The following CTNNA3 variants were observed in gnomAD, a reference collection of about 807,000 sequenced individuals.
The protein encoded by CTNNA3 is catenin alpha 3, also known as catenin alpha-3.
A neutral mutation model predicts 95.7 loss-of-function variants in CTNNA3; 76 were observed. The observed-to-expected ratio is 0.79, with a 90% confidence interval of 0.66 to 0.96. The LOEUF (loss-of-function observed/expected upper bound fraction) is 0.96. CTNNA3 is among the 40% of genes least tolerant of loss of function. The pLI, the probability that CTNNA3 is intolerant of heterozygous loss-of-function variation, is 0.00. For missense variants in CTNNA3, 1,191 were observed against 1,089.8 expected (o/e 1.09, Z -1.31); for synonymous variants, 431 against 374.4 (o/e 1.15, Z -1.74).
intron 4 of CTNNA3, among the ~76,000 whole-genome samples, chr10:67,524,537 G>A (rs564261026): frequency 5.9e-5 from 9 of 152,114 alleles, no homozygotes; most frequent in Admixed American, 5.9e-4. Flanking sequence ...TTTAACTAAA[G>A]GTCGGACTTT....
intron 11 of CTNNA3, among the ~76,000 whole-genome samples, chr10:66,514,651 T>A: frequency 6.6e-6 from 1 of 152,304 alleles, no homozygotes; most frequent in East Asian, 1.9e-4. Flanking sequence ...CTTTTACTCA[T>A]TGTTCAATTT....
At chr10:67,401,345 C>G (rs1037031655) in intron 5 of CTNNA3, among the ~76,000 whole-genome samples, 50 of 152,242 alleles carry the variant, frequency 3.3e-4, no homozygotes, top group African/African-American at 1.2e-3. Context: ...CAGAAATTGC[C>G]ACTCCCACAG....
chr10:67,166,084 A>C (rs543278160), intron 7 of CTNNA3, among the ~76,000 whole-genome samples: 53 of 152,296 alleles, frequency 3.5e-4, no homozygotes, highest in African/African-American at 1.2e-3. Flanking sequence ...GGAGGAAGGG[A>C]GACTTAGAAA....
intron 1 of CTNNA3, among the ~76,000 whole-genome samples, chr10:67,743,179 G>C (rs1204946815): frequency 6.6e-6 from 1 of 151,174 alleles, no homozygotes; most frequent in African/African-American, 2.4e-5. Flanking sequence ...TGATACCAAA[G>C]CCTGGCAGAG....
chr10:66,799,881 A>G (rs1219118536), intron 7 of CTNNA3, among the ~76,000 whole-genome samples: 1 of 151,412 alleles, frequency 6.6e-6, no homozygotes, highest in Non-Finnish European at 1.5e-5. Flanking sequence ...AAAGACAATT[A>G]CCTTTATGGA....
At chr10:66,658,867 T>C (rs961742349) in intron 9 of CTNNA3, among the ~76,000 whole-genome samples, 3 of 152,080 alleles carry the variant, frequency 2.0e-5, no homozygotes, top group African/African-American at 7.2e-5. Flanking sequence ...CTAAGTTTTG[T>C]AATTTTAGTA....
At chr10:66,263,968 T>C (rs897159711) in intron 13 of CTNNA3, among the ~76,000 whole-genome samples, 1 of 151,990 alleles carries the variant, frequency 6.6e-6, no homozygotes, top group Admixed American at 6.6e-5. Flanking sequence ...TTCTTGCCAA[T>C]CTCCTTTGTT....
intron 3 of CTNNA3, among the ~76,000 whole-genome samples, chr10:67,542,084 T>A (rs2133207817): frequency 6.6e-6 from 1 of 152,222 alleles, no homozygotes; most frequent in East Asian, 1.9e-4. Flanking sequence ...AAACAGCCAG[T>A]CAGGTAGCTC....
At chr10:66,549,667 A>G (rs1018983343) in intron 10 of CTNNA3, among the ~76,000 whole-genome samples, 18 of 152,138 alleles carry the variant, frequency 1.2e-4, no homozygotes, top group African/African-American at 4.1e-4. Flanking sequence ...ACAAATTGTA[A>G]TATTTTATAT....
intron 3 of CTNNA3, among the ~76,000 whole-genome samples, chr10:67,603,589 A>G (rs968435601): frequency 2.0e-5 from 3 of 151,488 alleles, no homozygotes; most frequent in African/African-American, 7.2e-5. Flanking sequence ...TTTTAGTAAA[A>G]AAAACTTTAA....
At chr10:67,254,446 C>T (rs929795817) in intron 5 of CTNNA3, among the ~76,000 whole-genome samples, 13 of 152,072 alleles carry the variant, frequency 8.5e-5, no homozygotes, top group African/African-American at 2.9e-4. Context: ...ATAACAGAAA[C>T]ACAGAAGGAT....
intron 7 of CTNNA3, among the ~76,000 whole-genome samples, chr10:67,135,736 T>A (rs572314368): frequency 6.6e-4 from 100 of 152,200 alleles, no homozygotes; most frequent in African/African-American, 2.2e-3. Context: ...GATGATCATA[T>A]ATGCCCTCCA....
At chr10:67,699,107 AG>A (rs1260444013), upstream of CTNNA3, among the ~76,000 whole-genome samples, 1 of 152,094 alleles carries the variant, frequency 6.6e-6, no homozygotes, top group African/African-American at 2.4e-5. Flanking sequence ...CACCTTTTCA[AG>A]GACTCTGCTC....
At chr10:66,355,136 G>A (rs2092598969) in intron 12 of CTNNA3, among the ~76,000 whole-genome samples, 2 of 152,070 alleles carry the variant, frequency 1.3e-5, no homozygotes, top group Non-Finnish European at 2.9e-5. Flanking sequence ...TGGTTAAGTA[G>A]ATATACGATT....
chr10:66,426,887 C>T (rs935823374), intron 11 of CTNNA3, among the ~76,000 whole-genome samples: 3 of 151,768 alleles, frequency 2.0e-5, no homozygotes, highest in East Asian at 1.9e-4. Flanking sequence ...TCGCCAAATA[C>T]TTTATTTTTT....
At chr10:67,744,405 G>C (rs11497974) in intron 1 of CTNNA3, among the ~76,000 whole-genome samples, 2 of 150,794 alleles carry the variant, frequency 1.3e-5, no homozygotes, top group East Asian at 1.9e-4. Context: ...AATGGGGAAA[G>C]GATTCCCTAT....
chr10:66,884,752 A>G (rs781756413), intron 7 of CTNNA3, among the ~76,000 whole-genome samples: 1 of 152,150 alleles, frequency 6.6e-6, no homozygotes. Context: ...ATAGATAACC[A>G]ATACAGAGGG....
intron 1 of CTNNA3, among the ~76,000 whole-genome samples, chr10:67,671,572 A>G (rs1456607576): frequency 4.0e-5 from 6 of 148,326 alleles, no homozygotes; most frequent in Admixed American, 4.0e-4. Context: ...AAGTGTTCTC[A>G]TTGTTCAATT....
chr10:66,587,326 A>G (rs771282264), intron 10 of CTNNA3, among the ~76,000 whole-genome samples: 5 of 152,280 alleles, frequency 3.3e-5, no homozygotes, highest in Non-Finnish European at 7.4e-5. Flanking sequence ...GCCTCCAGCC[A>G]GTAGGTCATG....
Sources: allele counts gnomAD v4.1 joint callset (sites outside exome capture counted in the v4.1 genomes callset), GRCh38; gene constraint gnomAD v4.1.1; transcripts MANE v1.5; gene names NCBI Gene and HGNC (gene_info 2026-07-23, HGNC 2026-07-21).